Variants in ABCB4 observed in about 807,000 individuals in gnomAD.
ABCB4 encodes the protein ATP binding cassette subfamily B member 4.
A neutral mutation model predicts 145.7 loss-of-function variants in ABCB4; 76 were observed. The observed-to-expected ratio is 0.52, with a 90% CI of 0.43 to 0.63. The LOEUF is 0.63. ABCB4 is among the 30% of genes least tolerant of loss of function. The probability of loss-of-function intolerance (pLI) is 0.00; values close to 1 mark genes in which losing one functional copy is unlikely to be tolerated. For synonymous variants in ABCB4, 517 were observed against 566.8 expected, an observed-to-expected ratio of 0.91 and a Z score of 1.25; for missense variants, 1,234 against 1,553.1, an observed-to-expected ratio of 0.79 and a Z score of 3.45.
At chr7:87,446,911 C>A in intron 9 of ABCB4, 123 bp downstream of exon 9, 2 of 902,450 alleles carry the variant, frequency 2.2e-6, no homozygotes, top group Non-Finnish European at 3.4e-6. Context: ...TGGAAAGATT[C>A]ACCAAAAACA....
chr7:87,423,907 G>T lies in ABCB4; in HGVS notation c.2210C>A (p.Ala737Glu), dbSNP rs147134978. 1.2e-6 allele frequency: 2 copies of T among 1,614,006 alleles called. No homozygotes were observed. The highest frequency in any genetic ancestry group is 1.7e-6 in the Non-Finnish European group (2 of 1,179,922). Residue 737 changes from alanine to glutamate, a missense_variant and splice_region_variant, in exon 17 of 28, where the codon GCG (alanine) becomes GAG (glutamate). Ala to Glu is a moderately radical substitution (Grantham distance 107). Around this residue, in one of 7 missense-constraint regions of ABCB4, gnomAD observed 321 missense variants for 332.6 expected, o/e 0.97. Transcript: ENST00000649586. ...AFSVIFSEIIAIFGPGDDAVK... is the reference protein window; with the variant it reads ...AFSVIFSEIIEIFGPGDDAVK... ...GTTATGTGGTGTTTGCAAACTTACC[G>T]CTATGATCTCTGAGAATATGACTGA...
the ABCB4 span, among the ~76,000 whole-genome samples, chr7:87,371,128 T>A: frequency 1.3e-5 from 2 of 152,238 alleles, no homozygotes; most frequent in African/African-American, 4.8e-5. Context: ...ATTATACATT[T>A]TGTGTTCTGT....
At chr7:87,385,345 T>C in the ABCB4 span, among the ~76,000 whole-genome samples, 1 of 152,170 alleles carries the variant, frequency 6.6e-6, no homozygotes, top group East Asian at 1.9e-4. Flanking sequence ...GTCTTTCCAT[T>C]TTTTGGTGTT....
At chr7:87,465,104 G>C (rs1812769444) in intron 3 of ABCB4, among the ~76,000 whole-genome samples, 1 of 152,184 alleles carries the variant, frequency 6.6e-6, no homozygotes, top group Non-Finnish European at 1.5e-5. Context: ...AGCACAAGAG[G>C]TCAGGGAATT....
At chr7:87,432,236 G>T (rs1460376060) in intron 14 of ABCB4, among the ~76,000 whole-genome samples, 1 of 152,066 alleles carries the variant, frequency 6.6e-6, no homozygotes, top group Non-Finnish European at 1.5e-5. Context: ...TTATAAATGG[G>T]CATTTAAACC....
intron 6 of ABCB4, 59 bp from the exon 7 acceptor site, chr7:87,451,853 T>TA: frequency 6.5e-7 from 1 of 1,531,084 alleles, no homozygotes. Context: ...AAAGATGAAG[T>TA]AGACATCCAA....
At chr7:87,458,740 C>G (rs1012220873) in intron 4 of ABCB4, among the ~76,000 whole-genome samples, 1 of 152,140 alleles carries the variant, frequency 6.6e-6, no homozygotes, top group African/African-American at 2.4e-5. Context: ...AACTTTCCAT[C>G]TAAATACTCC....
intron 10 of ABCB4, 81 bp from the exon 11 acceptor site, chr7:87,443,854 C>G: frequency 9.6e-7 from 1 of 1,044,722 alleles, no homozygotes; most frequent in Middle Eastern, 2.0e-4. Flanking sequence ...CAGCAAATTC[C>G]AAAAATAGGA....
chr7:87,432,218 G>T (rs6977739), intron 14 of ABCB4, among the ~76,000 whole-genome samples: 23,335 of 152,094 alleles, frequency 0.15, 2,949 homozygotes, highest in African/African-American at 0.35. Context: ...TATGTTTGCT[G>T]GGTGGATTTA....
At chr7:87,445,804 C>T (rs977821216) in intron 9 of ABCB4, among the ~76,000 whole-genome samples, 34 of 152,176 alleles carry the variant, frequency 2.2e-4, no homozygotes, top group African/African-American at 7.9e-4. Flanking sequence ...TAATGTTGAC[C>T]AAAATAGTTG....
At chr7:87,470,420 T>C (rs145145831) in intron 3 of ABCB4, among the ~76,000 whole-genome samples, 13,302 of 152,106 alleles carry the variant, frequency 0.087, 964 homozygotes, top group African/African-American at 0.19. Context: ...AAACTATCAT[T>C]AGAGTGAACT....
chr7:87,425,926 A>C (rs1809771558), intron 16 of ABCB4, among the ~76,000 whole-genome samples: 5 of 152,086 alleles, frequency 3.3e-5, no homozygotes, highest in Admixed American at 3.3e-4. Flanking sequence ...TGTTAACTGG[A>C]GTTAATAATC....
chr7:87,385,731 A>G, the ABCB4 span, among the ~76,000 whole-genome samples: 1 of 152,196 alleles, frequency 6.6e-6, no homozygotes, highest in Non-Finnish European at 1.5e-5. Flanking sequence ...AAAAGTGGTG[A>G]AAGTAGGCAT....
chr7:87,433,078 G>A (rs1810354223), intron 14 of ABCB4, among the ~76,000 whole-genome samples: 1 of 152,112 alleles, frequency 6.6e-6, no homozygotes, highest in Non-Finnish European at 1.5e-5. Context: ...AACCATCTAA[G>A]AATTTAATTA....
intron 12 of ABCB4, 69 bp downstream of exon 12, chr7:87,443,250 A>G: frequency 1.2e-6 from 2 of 1,607,646 alleles, no homozygotes; most frequent in Non-Finnish European, 1.7e-6. Context: ...TTGTTACTGA[A>G]AAACCAATTT....
At chr7:87,393,279 T>TCA in the ABCB4 span, among the ~76,000 whole-genome samples, 1 of 152,180 alleles carries the variant, frequency 6.6e-6, no homozygotes, top group Admixed American at 6.5e-5. Context: ...TTAGGTGTCT[T>TCA]TATGCAGAAC....
the ABCB4 span, among the ~76,000 whole-genome samples, chr7:87,376,147 A>G: frequency 1.3e-5 from 2 of 152,080 alleles, no homozygotes; most frequent in African/African-American, 4.8e-5. Context: ...ACATTGTTTA[A>G]GTTTGTTTAG....
At chr7:87,414,000 C>T (rs1382795472) in intron 21 of ABCB4, among the ~76,000 whole-genome samples, 2 of 152,300 alleles carry the variant, frequency 1.3e-5, no homozygotes, top group Middle Eastern at 3.4e-3. Context: ...TGGTTCTATT[C>T]CCAGCCTGCC....
At chr7:87,434,521 A>G (rs569261196) in intron 14 of ABCB4, among the ~76,000 whole-genome samples, 76 of 152,162 alleles carry the variant, frequency 5.0e-4, no homozygotes, top group African/African-American at 1.7e-3. Context: ...AGGCCGAGGC[A>G]GGCGAATCAC....
Sources: gnomAD v4.1 joint callset for allele counts (sites outside exome capture counted in the v4.1 genomes callset) on GRCh38, gnomAD v4.1.1 for gene constraint, gnomAD v4.1.1 regional missense constraint, MANE v1.5 for transcripts, NCBI Gene and HGNC (gene_info 2026-07-23, HGNC 2026-07-21) for gene names.